Variants in PAAF1 observed in about 807,000 individuals in gnomAD.
PAAF1 encodes proteasomal ATPase-associated factor 1.
Under a neutral mutation model 52.8 loss-of-function variants are expected in PAAF1, and 46 were observed. The observed-to-expected ratio is 0.87, with a 90% confidence interval of 0.69 to 1.11. The LOEUF is 1.11. Ranked by LOEUF, PAAF1 falls within the 50% of genes most tolerant of loss-of-function variation. The pLI is 0.00. For synonymous variants in PAAF1, 178 were observed against 172.8 expected, an observed-to-expected ratio of 1.03 and a Z score of -0.24; for missense variants, 424 against 477.4, an observed-to-expected ratio of 0.89 and a Z score of 1.04.
At chr11:73,920,268 T>C (rs1337020171) in intron 10 of PAAF1, among the ~76,000 whole-genome samples, 4 of 152,172 alleles carry the variant, frequency 2.6e-5, no homozygotes, top group Non-Finnish European at 5.9e-5. Flanking sequence ...GCACAGTGGC[T>C]CATGCCTATA....
At chr11:73,922,071 G>T in intron 10 of PAAF1, 2 of 855,994 alleles carry the variant, frequency 2.3e-6, no homozygotes, top group South Asian at 1.3e-5. Flanking sequence ...TTCATCCACA[G>T]TATCTGTATC....
In PAAF1 at chr11:73,929,083, C is replaced by T. The variant is rs1950421121; in HGVS notation, c.*1721C>T. On this transcript the variant is annotated 3_prime_UTR_variant, in exon 12 of 12. Transcript: ENST00000310571. ...TTTTTTTTTTAAAGACAGGGTCTTG[C>T]TCTGTTGCCCAGGCTGGAATGCGTT... 6.6e-6 allele frequency: 1 copy of T among 151,972 alleles called. No homozygotes were observed. Among genetic ancestry groups the T allele is most frequent in the African/African-American group, 2.4e-5 (1 of 41,348 alleles). The allele number at this position is 151,972 out of a possible 1,614,324, so 9.4% of individuals were successfully genotyped here. A position where few individuals can be genotyped will look rare whatever the true frequency, so the allele number is the denominator to read the frequency against.
intron 4 of PAAF1, among the ~76,000 whole-genome samples, chr11:73,898,217 GGAGGGAGAGGGA>G (rs751469770): frequency 1.4e-4 from 19 of 133,840 alleles, no homozygotes; most frequent in East Asian, 9.5e-4. Context: ...AGGGGAAGGG[GGAGGGAGAGGGA>G]GAGGGAGAGG....
chr11:73,914,281 AC>A, intron 7 of PAAF1, 131 bp from the exon 8 acceptor site: 2 of 699,612 alleles, frequency 2.9e-6, no homozygotes, highest in Non-Finnish European at 5.0e-6. Context: ...GAGATACAGA[AC>A]ATAATAAATG....
chr11:73,905,697 T>A (rs1464297630), intron 6 of PAAF1, among the ~76,000 whole-genome samples: 1 of 152,172 alleles, frequency 6.6e-6, no homozygotes, highest in African/African-American at 2.4e-5. Context: ...TCCACTCTGC[T>A]TTTATAGAAA....
intron 5 of PAAF1, among the ~76,000 whole-genome samples, chr11:73,899,562 C>T (rs1591078185): frequency 1.3e-5 from 2 of 151,996 alleles, no homozygotes; most frequent in East Asian, 3.8e-4. Flanking sequence ...CAGGCATGTG[C>T]CACCACACAC....
intron 7 of PAAF1, among the ~76,000 whole-genome samples, chr11:73,913,222 G>T (rs1475447172): frequency 1.3e-5 from 2 of 152,108 alleles, no homozygotes; most frequent in Non-Finnish European, 2.9e-5. Flanking sequence ...ACTCCTGCAG[G>T]TCTTCACATG....
chr11:73,925,329 A>G (rs1421852297), intron 11 of PAAF1, among the ~76,000 whole-genome samples: 2 of 151,754 alleles, frequency 1.3e-5, no homozygotes, highest in Non-Finnish European at 2.9e-5. Context: ...GCATGGTGGC[A>G]CACACACCTG....
chr11:73,892,342 A>AG (rs1949223889), intron 4 of PAAF1, among the ~76,000 whole-genome samples: 1 of 149,762 alleles, frequency 6.7e-6, no homozygotes, highest in South Asian at 2.1e-4. Context: ...AAAAAAAAAA[A>AG]GAAAGAAAGA....
chr11:73,905,412 C>T (rs1177196187), intron 6 of PAAF1, among the ~76,000 whole-genome samples: 2 of 152,060 alleles, frequency 1.3e-5, no homozygotes, highest in Admixed American at 1.3e-4. Context: ...TTAGAAGAAA[C>T]TGGGTTTCAC....
chr11:73,881,452 T>C (rs1414293306), intron 2 of PAAF1, among the ~76,000 whole-genome samples: 4 of 152,078 alleles, frequency 2.6e-5, no homozygotes, highest in Admixed American at 2.6e-4. Flanking sequence ...CATGCCCAGC[T>C]AATTTTTGTA....
intron 10 of PAAF1, among the ~76,000 whole-genome samples, chr11:73,920,718 G>A (rs1056133925): frequency 6.6e-6 from 1 of 151,546 alleles, no homozygotes; most frequent in African/African-American, 2.4e-5. Context: ...CTGGCATGGT[G>A]GCACACATCT....
At chr11:73,897,967 G>A (rs1015701209) in intron 4 of PAAF1, among the ~76,000 whole-genome samples, 1 of 152,178 alleles carries the variant, frequency 6.6e-6, no homozygotes, top group African/African-American at 2.4e-5. Context: ...GATCACTCAT[G>A]GTTAGGAGCT....
intron 7 of PAAF1, among the ~76,000 whole-genome samples, chr11:73,913,849 A>T (rs1949996360): frequency 6.6e-6 from 1 of 152,144 alleles, no homozygotes; most frequent in Admixed American, 6.5e-5. Context: ...CCCAACTCCT[A>T]GTGTGGTGTC....
chr11:73,895,181 G>A (rs1277938386), intron 4 of PAAF1, among the ~76,000 whole-genome samples: 2 of 152,162 alleles, frequency 1.3e-5, no homozygotes, highest in African/African-American at 4.8e-5. Flanking sequence ...CTGATGACTT[G>A]GATGTTAAGT....
intron 4 of PAAF1, among the ~76,000 whole-genome samples, chr11:73,896,359 A>C (rs1472768778): frequency 1.1e-4 from 16 of 143,030 alleles, no homozygotes; most frequent in African/African-American, 4.2e-4. Flanking sequence ...GGGATTTGGC[A>C]GGGTCACAGG....
In PAAF1 at chr11:73,888,090, TA is replaced by T. The variant is rs1949110390; in HGVS notation, c.192+637del. ...TATATTTGATCTAACCCAGTATATCTAAAACATTATTTCAACCTGTAAATAA... is the reference window on the plus strand; with the variant it reads ...TATATTTGATCTAACCCAGTATATCTAAACATTATTTCAACCTGTAAATAA... On this transcript the variant is annotated intron_variant, in intron 3 of 11. Transcript: ENST00000310571. Among the ~76,000 whole-genome samples the T allele has an allele frequency of 3.3e-5, 5 of 152,316 alleles. No homozygotes were observed. In the South Asian group the frequency reaches 1.0e-3, roughly 32 times the overall value.
chr11:73,877,079 G>A lies in PAAF1; in HGVS notation c.47+11G>A. The A allele has an allele frequency of 2.6e-6, 4 of 1,528,916 alleles. No individual in the cohort carries two copies. The highest frequency in any genetic ancestry group is 1.2e-5 in the South Asian group (1 of 80,878). The allele number at this position is 1,528,916 out of a possible 1,614,324, so 94.7% of individuals were successfully genotyped here. A position where few individuals can be genotyped will look rare whatever the true frequency, so the allele number is the denominator to read the frequency against. On this transcript the variant is annotated intron_variant, in intron 1 of 11. Coordinates refer to ENST00000310571, the MANE Select transcript of PAAF1 (RefSeq NM_025155.3). ...GGCGCAAGCCCTCAGGTGAATCCAG[G>A]CCCAGAACAGAGTCAGAGGAGGCGG...
intron 11 of PAAF1, among the ~76,000 whole-genome samples, chr11:73,925,988 C>T (rs1950343505): frequency 6.6e-6 from 1 of 151,838 alleles, no homozygotes; most frequent in Non-Finnish European, 1.5e-5. Flanking sequence ...AAATAATATA[C>T]TTTTATCTTC....
Sources: allele counts gnomAD v4.1 joint callset (sites outside exome capture counted in the v4.1 genomes callset), GRCh38; gene constraint gnomAD v4.1.1; transcripts MANE v1.5; gene names NCBI Gene and HGNC (gene_info 2026-07-23, HGNC 2026-07-21).